DOK6: variants seen among roughly 807,000 people sequenced by gnomAD.
DOK6 encodes downstream of tyrosine kinase 6.
A neutral mutation model predicts 44.0 loss-of-function variants in DOK6; 22 were observed. The ratio of observed to expected loss-of-function variants is 0.50; its 90% CI spans 0.36 to 0.71. The LOEUF is 0.71. Ranked by LOEUF, DOK6 falls within the 30% of genes least tolerant of loss-of-function variation. The pLI is 0.00. For missense variants in DOK6, 340 were observed against 416.4 expected (o/e 0.82, Z 1.60); for synonymous variants, 166 against 145.5 (o/e 1.14, Z -1.01).
At chr18:69,730,446 T>C (rs1006709451) in intron 5 of DOK6, among the ~76,000 whole-genome samples, 1 of 152,258 alleles carries the variant, frequency 6.6e-6, no homozygotes, top group Non-Finnish European at 1.5e-5. Context: ...GTATGAACTA[T>C]AATGAGACTA....
Position 69,749,068 on chromosome 18 carries a change from T to C in DOK6, c.739-8688T>C, listed in dbSNP as rs184768493. On this transcript the variant is annotated intron_variant, in intron 6 of 7. Transcript: ENST00000382713. ...ACTAATGCAGGAACAGAAAACCAAA[T>C]ACCACATGTCCTCACTTGCGAGTGG... is the stretch of plus-strand genomic sequence containing the variant. 2.2e-4 allele frequency among the ~76,000 whole-genome samples: 34 copies of C among 151,548 alleles called. 1 individual carries two copies. Among genetic ancestry groups the C allele is most frequent in the African/African-American group, 7.5e-4 (31 of 41,318 alleles).
chr18:69,534,420 A>G (rs1004294004), intron 1 of DOK6, among the ~76,000 whole-genome samples: 3 of 152,152 alleles, frequency 2.0e-5, no homozygotes, highest in Non-Finnish European at 4.4e-5. Context: ...TGTGTTTTAG[A>G]TATATAATTG....
At chr18:69,585,326 T>C (rs1983473710) in intron 2 of DOK6, among the ~76,000 whole-genome samples, 1 of 151,924 alleles carries the variant, frequency 6.6e-6, no homozygotes, top group Non-Finnish European at 1.5e-5. Context: ...AAATTTTAAT[T>C]GTATTATGGC....
intron 7 of DOK6, among the ~76,000 whole-genome samples, chr18:69,781,914 A>C (rs1980279950): frequency 6.6e-6 from 1 of 152,144 alleles, no homozygotes; most frequent in Non-Finnish European, 1.5e-5. Context: ...TTCTAGCAAA[A>C]GAGAGATTTC....
Position 69,677,831 on chromosome 18 carries a change from A to G in DOK6, c.387A>G (p.Ala129=). 1 of 1,613,678 alleles carries G rather than the reference A, an allele frequency of 6.2e-7. No individual in the cohort carries two copies. The highest frequency in any genetic ancestry group is 1.1e-5 in the South Asian group (1 of 91,068). ...ISLGEPDLLA[A]GVQREQNERF... The stretch of plus-strand genomic sequence containing the variant: ...TTGGGGAGCCCGACCTTCTGGCCGC[A>G]GGAGTGCAGCGGGAACAGAATGGTA... Residue 129 remains alanine, a synonymous_variant, in exon 4 of 8, where the codon GCA becomes GCG. Coordinates refer to ENST00000382713, the MANE Select transcript of DOK6 (RefSeq NM_152721.6).
chr18:69,533,802 T>C (rs968612137), intron 1 of DOK6, among the ~76,000 whole-genome samples: 2 of 152,178 alleles, frequency 1.3e-5, no homozygotes, highest in African/African-American at 4.8e-5. Context: ...TTTTTATTCT[T>C]TGATAGAATT....
intron 7 of DOK6, among the ~76,000 whole-genome samples, chr18:69,835,484 CA>C (rs5825973): frequency 0.91 from 134,933 of 148,436 alleles, 61,433 homozygotes; most frequent in East Asian, 0.99. Context: ...ACAACAACAA[CA>C]AAAAAAAAAA....
At chr18:69,641,842 A>C (rs972653126) in intron 3 of DOK6, among the ~76,000 whole-genome samples, 10 of 152,174 alleles carry the variant, frequency 6.6e-5, no homozygotes, top group African/African-American at 1.9e-4. Flanking sequence ...CACACACACA[A>C]AAAAAGATTC....
At chr18:69,596,327 A>G (rs2144620125) in intron 2 of DOK6, among the ~76,000 whole-genome samples, 1 of 152,330 alleles carries the variant, frequency 6.6e-6, no homozygotes, top group South Asian at 2.1e-4. Flanking sequence ...GGTCATGGAA[A>G]GAAAGAGTGA....
At chr18:69,440,056 G>A (rs74978269) in intron 1 of DOK6, among the ~76,000 whole-genome samples, 30,295 of 152,096 alleles carry the variant, frequency 0.2, 3,407 homozygotes, top group Non-Finnish European at 0.23. Context: ...AACACTTAGA[G>A]GCCATTGTAG....
chr18:69,697,075 G>T (rs747287831), intron 4 of DOK6, among the ~76,000 whole-genome samples: 1 of 152,114 alleles, frequency 6.6e-6, no homozygotes, highest in Non-Finnish European at 1.5e-5. Flanking sequence ...TATAAATATT[G>T]TTTTTATGGC....
At chr18:69,526,551 A>G (rs947862606) in intron 1 of DOK6, among the ~76,000 whole-genome samples, 1 of 152,216 alleles carries the variant, frequency 6.6e-6, no homozygotes, top group Non-Finnish European at 1.5e-5. Context: ...CACTATAAAC[A>G]TTCATGTACA....
In DOK6 at chr18:69,757,800, A is replaced by G; in HGVS notation, c.783A>G (p.Ile261Met). 6.2e-7 allele frequency: 1 copy of G among 1,614,162 alleles called. No individual in the cohort carries two copies. The highest frequency in any genetic ancestry group is 1.1e-5 in the South Asian group (1 of 91,086). The change falls in exon 7 of 8, where the codon ATA becomes ATG. Residue 261 changes from isoleucine (I) to methionine (M), a missense_variant. This residue lies in a region of DOK6 where 112 missense variants were observed against 109.3 expected (regional missense o/e 1.02). Transcript: ENST00000382713. Reference protein sequence around the residue: ...LTEPMTLSKSISLPRSAYWHH... With the variant: ...LTEPMTLSKSMSLPRSAYWHH... The stretch of plus-strand genomic sequence containing the variant: ...AACCAATGACATTATCCAAATCAAT[A>G]TCTCTTCCTCGCAGCGCGTACTGGC...
Position 69,543,816 on chromosome 18 carries a change from A to G in DOK6, c.67-20671A>G, listed in dbSNP as rs954692265. 1.8e-4 allele frequency among the ~76,000 whole-genome samples: 28 copies of G among 151,760 alleles called. 1 individual carries two copies. The highest frequency in any genetic ancestry group is 1.8e-3 in the Admixed American group (28 of 15,228). On this transcript the variant is annotated intron_variant, in intron 1 of 7. Transcript: ENST00000382713. The stretch of plus-strand genomic sequence containing the variant: ...ATTAATTTCAAAGACAACAAAGAAC[A>G]AATGATAAGGGAAAACATTATAAAG...
intron 7 of DOK6, among the ~76,000 whole-genome samples, chr18:69,812,972 G>T (rs563059429): frequency 6.6e-6 from 1 of 152,154 alleles, no homozygotes; most frequent in African/African-American, 2.4e-5. Context: ...TTTGGGTGGG[G>T]ACACAAAGCC....
chr18:69,739,295 A>C, intron 6 of DOK6, 192 bp downstream of exon 6: 1 of 651,242 alleles, frequency 1.5e-6, no homozygotes, highest in East Asian at 3.0e-5. Context: ...TATTGTGGCC[A>C]CCAACTGTGA....
chr18:69,575,063 G>A (rs752892135), intron 2 of DOK6, among the ~76,000 whole-genome samples: 16 of 151,950 alleles, frequency 1.1e-4, no homozygotes, highest in Non-Finnish European at 1.5e-5. Context: ...CTACTGCACA[G>A]CATATTCATG....
chr18:69,401,312 T>C lies in DOK6; in HGVS notation c.66+2T>C. Reference sequence around the variant, plus strand: ...AAAATCCGCAGCAGGAAGCTTGGGGTGAGTGGCTCGCTCGGCTTGCTCCTT... The same window carrying C: ...AAAATCCGCAGCAGGAAGCTTGGGGCGAGTGGCTCGCTCGGCTTGCTCCTT... On this transcript the variant is annotated splice_donor_variant, in intron 1 of 7. Transcript: ENST00000382713. LOFTEE classifies it high-confidence loss of function. The C allele has an allele frequency of 6.5e-7, 1 of 1,543,436 alleles. No individual in the cohort carries two copies. The highest frequency in any genetic ancestry group is 1.2e-5 in the South Asian group (1 of 82,900).
chr18:69,757,970 C>T, intron 7 of DOK6, 97 bp downstream of exon 7: 1 of 1,025,064 alleles, frequency 9.8e-7, no homozygotes. Flanking sequence ...GCTTGCTTTT[C>T]CTCCCATTCC....
Sources: gnomAD v4.1 joint callset for allele counts (sites outside exome capture counted in the v4.1 genomes callset) on GRCh38, gnomAD v4.1.1 for gene constraint, gnomAD v4.1.1 regional missense constraint, MANE v1.5 for transcripts, NCBI Gene and HGNC (gene_info 2026-07-23, HGNC 2026-07-21) for gene names.